Variants in DENND6A observed in about 807,000 individuals in gnomAD.
DENND6A encodes protein DENND6A.
DENND6A carries 43 observed loss-of-function variants against 95.5 expected under a neutral mutation model. That is an observed-to-expected ratio of 0.45 (90% CI 0.35 to 0.58). The LOEUF is 0.58. DENND6A is among the 20% of genes least tolerant of loss of function. DENND6A has a pLI of 0.00. For synonymous variants in DENND6A, 257 were observed against 260.4 expected (o/e 0.99, Z 0.13); for missense variants, 574 against 736.0 (o/e 0.78, Z 2.55).
At chr3:57,641,822 C>T in intron 11 of DENND6A, 75 bp from the exon 12 acceptor site, 2 of 1,213,598 alleles carry the variant, frequency 1.6e-6, no homozygotes, top group Non-Finnish European at 2.3e-6. Context: ...GAATAGTTTA[C>T]TTTTTTTTTC....
chr3:57,635,865 A>G (rs2070781109), intron 12 of DENND6A, among the ~76,000 whole-genome samples: 1 of 152,156 alleles, frequency 6.6e-6, no homozygotes, highest in Non-Finnish European at 1.5e-5. Flanking sequence ...CCCCTGAGTT[A>G]GCAAGACCAT....
chr3:57,653,474 G>A (rs755353682), intron 9 of DENND6A, among the ~76,000 whole-genome samples: 22 of 152,026 alleles, frequency 1.4e-4, no homozygotes, highest in Middle Eastern at 6.8e-3. Context: ...GGCCGGGCGC[G>A]GTGGCTCACG....
At chr3:57,662,943 A>C (rs1013919078) in intron 5 of DENND6A, among the ~76,000 whole-genome samples, 2 of 151,572 alleles carry the variant, frequency 1.3e-5, no homozygotes, top group Non-Finnish European at 2.9e-5. Context: ...ACATGGTGAG[A>C]CCCCGTCTCT....
At chr3:57,635,326 T>C (rs779839106) in intron 12 of DENND6A, among the ~76,000 whole-genome samples, 3 of 152,160 alleles carry the variant, frequency 2.0e-5, no homozygotes, top group Non-Finnish European at 4.4e-5. Flanking sequence ...GAGCCACAGA[T>C]GGACAGGACT....
rs779126588 is a variant in DENND6A at position 57,666,153 on chromosome 3, T to C, written c.402A>G (p.Gln134=). 3.7e-6 allele frequency: 6 copies of C among 1,613,728 alleles called. No homozygotes were observed. In the East Asian group the frequency reaches 6.7e-5, roughly 18 times the overall value. ...AGTAAACTGGTAAATCTTTGTCAAATTGATCCAGGAGACAATGCAGCGACA... is the reference window on the plus strand; with the variant it reads ...AGTAAACTGGTAAATCTTTGTCAAACTGATCCAGGAGACAATGCAGCGACA... The part of the protein sequence containing the change: ...RRVSLHCLLD[Q]FDKDLPVYLK... The change falls in exon 4 of 20, where the codon CAA becomes CAG. Residue 134 remains glutamine (Q), a synonymous_variant. Coordinates refer to ENST00000311128, the MANE Select transcript of DENND6A (RefSeq NM_152678.3).
chr3:57,630,456 AT>A lies in DENND6A; in HGVS notation c.1584del (p.Lys528AsnfsTer7). On this transcript the variant is annotated frameshift_variant, in exon 18 of 20. Coordinates refer to ENST00000311128, the MANE Select transcript of DENND6A (RefSeq NM_152678.3). LOFTEE classifies it high-confidence loss of function. Reference protein sequence around the residue: ...FKTRRKEMTQKLEALHLEALC... With the variant: ...FKTRRKEMTQXLEALHLEALC... Reference sequence around the variant, plus strand: ...AGAGCTTCTAGATGGAGTGCCTCCAATTTTTGGGTCATTTCCTTCCTCCGGG... The same window carrying A: ...AGAGCTTCTAGATGGAGTGCCTCCAATTTTGGGTCATTTCCTTCCTCCGGG... 6.3e-7 allele frequency: 1 copy of A among 1,596,324 alleles called. No individual in the cohort carries two copies. The highest frequency in any genetic ancestry group is 1.9e-5 in the Admixed American group (1 of 52,966).
Position 57,649,805 on chromosome 3 carries a change from C to T in DENND6A, c.819-3367G>A, listed in dbSNP as rs565232788. Among the ~76,000 whole-genome samples the T allele has an allele frequency of 4.0e-5, 6 of 150,100 alleles. No homozygotes were observed. The East Asian group carries it at 1.2e-3, about 29-fold the overall frequency. ...TGATTCTCCTTGTTGGATTGACCCC[C>T]CACCCCCACCCCCATGGATACCCTC... On this transcript the variant is annotated intron_variant, in intron 9 of 19. Transcript: ENST00000311128.
intron 5 of DENND6A, 81 bp downstream of exon 5, chr3:57,663,553 TAA>T: frequency 1.1e-6 from 1 of 909,724 alleles, no homozygotes; most frequent in Non-Finnish European, 1.6e-6. Flanking sequence ...CCAAAGACTT[TAA>T]AGACTCTTAA....
At chr3:57,691,419 TCTC>T (rs1302505748) in intron 1 of DENND6A, among the ~76,000 whole-genome samples, 1 of 152,132 alleles carries the variant, frequency 6.6e-6, no homozygotes, top group Non-Finnish European at 1.5e-5. Context: ...AATTCTTGGT[TCTC>T]CTCTAAATTA....
intron 9 of DENND6A, among the ~76,000 whole-genome samples, chr3:57,657,163 C>G (rs753114258): frequency 6.6e-5 from 10 of 152,132 alleles, no homozygotes; most frequent in Non-Finnish European, 1.2e-4. Context: ...TATTTTTCCT[C>G]TATTTCTTTT....
At chr3:57,633,415 C>G in intron 14 of DENND6A, 61 bp from the exon 15 acceptor site, 1 of 1,330,980 alleles carries the variant, frequency 7.5e-7, no homozygotes, top group Non-Finnish European at 1.1e-6. Context: ...CAATGGATAA[C>G]TATCAGATTC....
intron 9 of DENND6A, among the ~76,000 whole-genome samples, chr3:57,649,920 T>TAC (rs1249974095): frequency 9.9e-5 from 11 of 111,640 alleles, no homozygotes; most frequent in African/African-American, 4.1e-4. Context: ...TCTGTATATA[T>TAC]ATACACACAC....
intron 9 of DENND6A, among the ~76,000 whole-genome samples, chr3:57,656,017 G>A (rs902922377): frequency 6.6e-6 from 1 of 151,928 alleles, no homozygotes; most frequent in Non-Finnish European, 1.5e-5. Flanking sequence ...TTCATTTTGG[G>A]GACACTCCCT....
chr3:57,665,223 A>G (rs1392783599), intron 4 of DENND6A, among the ~76,000 whole-genome samples: 1 of 152,180 alleles, frequency 6.6e-6, no homozygotes, highest in African/African-American at 2.4e-5. Context: ...CTCGTTAAAC[A>G]ATTTGTAGTC....
rs774314573 is a variant in DENND6A, at chr3:57,672,391, TTTAC to T, written c.276+5_276+8del. 1.9e-6 allele frequency: 3 copies of T among 1,613,122 alleles called. No homozygotes were observed. Among genetic ancestry groups the T allele is most frequent in the Non-Finnish European group, 2.5e-6 (3 of 1,179,576 alleles). On this transcript the variant is annotated splice_donor_5th_base_variant and intron_variant, in intron 2 of 19. Transcript: ENST00000311128. ...ACAGTAAACTATACAGAGCAGTATT[TTTAC>T]TTACTTCTCTGTCAGTAAGTTTGGA...
chr3:57,663,367 A>G (rs888986656), intron 5 of DENND6A, among the ~76,000 whole-genome samples: 2 of 144,882 alleles, frequency 1.4e-5, no homozygotes, highest in Non-Finnish European at 3.0e-5. Flanking sequence ...TGGGAGACGG[A>G]GGCACAGAAT....
chr3:57,686,115 A>G (rs1004171072), intron 1 of DENND6A, among the ~76,000 whole-genome samples: 5 of 152,236 alleles, frequency 3.3e-5, no homozygotes, highest in Non-Finnish European at 7.3e-5. Flanking sequence ...TAGAATCCCA[A>G]TAATACAAAA....
At chr3:57,628,937 C>G (rs2070595203) in intron 18 of DENND6A, 52 bp from the exon 19 acceptor site, 1 of 1,511,230 alleles carries the variant, frequency 6.6e-7, no homozygotes, top group Admixed American at 2.0e-5. Flanking sequence ...ATATTCAAAC[C>G]TCTCTATTTC....
chr3:57,693,060 G>T lies in DENND6A; in HGVS notation c.-42C>A. 7.5e-6 allele frequency: 10 copies of T among 1,339,904 alleles called. No homozygotes were observed. The highest frequency in any genetic ancestry group is 9.5e-6 in the Non-Finnish European group (10 of 1,048,366). The allele number at this position is 1,339,904 out of a possible 1,614,324, so 83.0% of individuals were successfully genotyped here. A position where few individuals can be genotyped will look rare whatever the true frequency, so the allele number is the denominator to read the frequency against. The stretch of plus-strand genomic sequence containing the variant: ...GTTCGCGCCGCCTCCACAGCGGACC[G>T]CGCCGCAGAGCGCGCTTGCCTCCGC... On this transcript the variant is annotated 5_prime_UTR_variant, in exon 1 of 20. Coordinates refer to ENST00000311128, the MANE Select transcript of DENND6A (RefSeq NM_152678.3).
Sources: allele counts gnomAD v4.1 joint callset (sites outside exome capture counted in the v4.1 genomes callset), GRCh38; gene constraint gnomAD v4.1.1; transcripts MANE v1.5; gene names NCBI Gene and HGNC (gene_info 2026-07-23, HGNC 2026-07-21).